Variants in ENPP2 observed in about 807,000 individuals in gnomAD.
ENPP2 encodes ectonucleotide pyrophosphatase/phosphodiesterase 2.
ENPP2 carries 51 observed loss-of-function variants against 120.2 expected under a neutral mutation model. The ratio of observed to expected loss-of-function variants is 0.42; its 90% CI spans 0.34 to 0.54. The LOEUF (loss-of-function observed/expected upper bound fraction) is 0.54, where lower values mean the gene tolerates loss of function less well. ENPP2 is among the 20% of genes least tolerant of loss of function. The pLI, the probability that ENPP2 is intolerant of heterozygous loss-of-function variation, is 0.04. For synonymous variants in ENPP2, 365 were observed against 366.4 expected, an observed-to-expected ratio of 1.00 and a Z score of 0.04; for missense variants, 920 against 1,066.5, an observed-to-expected ratio of 0.86 and a Z score of 1.91.
chr8:119,618,725 G>T (rs1486109190), intron 5 of ENPP2, among the ~76,000 whole-genome samples: 4 of 151,590 alleles, frequency 2.6e-5, no homozygotes, highest in Non-Finnish European at 5.9e-5. Flanking sequence ...AGTAGAGGCG[G>T]GGTGTCACCA....
chr8:119,647,139 G>A lies in ENPP2; in HGVS notation c.22-8612C>T, dbSNP rs571455760. ...AGCCTCTGAAGTAGCTGGGATCACC[G>A]GCACCCACCACAACACCCAGCTGAT... On this transcript the variant is annotated intron_variant, in intron 1 of 25. Transcript: ENST00000427067. 6.6e-5 allele frequency among the ~76,000 whole-genome samples: 10 copies of A among 151,944 alleles called. No individual in the cohort carries two copies. In the East Asian group the frequency reaches 9.7e-4, roughly 15 times the overall value.
chr8:119,627,856 C>T (rs551961656), intron 2 of ENPP2, among the ~76,000 whole-genome samples: 23 of 111,006 alleles, frequency 2.1e-4, no homozygotes, highest in East Asian at 1.7e-3. Flanking sequence ...AGTGAAACTC[C>T]GTCTTAAAAA....
At chr8:119,608,600 G>A (rs745513123) in intron 8 of ENPP2, among the ~76,000 whole-genome samples, 13 of 152,132 alleles carry the variant, frequency 8.5e-5, no homozygotes, top group Admixed American at 1.3e-4. Context: ...TCTTTACACC[G>A]TGTACTATTG....
Position 119,644,760 on chromosome 8 carries a change from ACT to A in ENPP2, c.22-6235_22-6234del, listed in dbSNP as rs1817394587. On this transcript the variant is annotated intron_variant, in intron 1 of 25. Transcript: ENST00000427067. ...TAAAAAGCATTCCCCCTAGGAAATA[ACT>A]CAGCTTTGTTCCTAACTCTAGCTCA... is the stretch of plus-strand genomic sequence containing the variant. Among the ~76,000 whole-genome samples, 5 of 151,322 alleles carry A rather than the reference ACT, an allele frequency of 3.3e-5. No individual in the cohort carries two copies. The South Asian group carries it at 1.0e-3, about 32-fold the overall frequency.
intron 22 of ENPP2, among the ~76,000 whole-genome samples, chr8:119,566,007 T>C (rs1340959782): frequency 1.3e-5 from 2 of 152,176 alleles, no homozygotes; most frequent in Non-Finnish European, 2.9e-5. Flanking sequence ...CCCCTTTCCC[T>C]ATCACTCGCA....
chr8:119,650,973 TA>T (rs563396859), intron 1 of ENPP2, among the ~76,000 whole-genome samples: 5,738 of 141,530 alleles, frequency 0.041, 311 homozygotes, highest in African/African-American at 0.13. Context: ...AATACTTCTT[TA>T]AAAAAAAAAA....
intron 1 of ENPP2, among the ~76,000 whole-genome samples, chr8:119,646,447 C>T (rs1402692839): frequency 1.6e-4 from 25 of 152,164 alleles, no homozygotes; most frequent in Non-Finnish European, 2.5e-4. Flanking sequence ...AATCTGTTTT[C>T]GCAACTCCAC....
chr8:119,569,507 G>T, intron 20 of ENPP2, 137 bp from the exon 21 acceptor site: 1 of 743,274 alleles, frequency 1.3e-6, no homozygotes, highest in Non-Finnish European at 2.0e-6. Context: ...ATCTTTGATA[G>T]TCTGACTTCT....
At chr8:119,624,008 G>C (rs1009354121) in intron 3 of ENPP2, among the ~76,000 whole-genome samples, 3 of 152,068 alleles carry the variant, frequency 2.0e-5, no homozygotes, top group African/African-American at 7.2e-5. Context: ...CCCATGACCT[G>C]CTCTTCCCAA....
intron 19 of ENPP2, chr8:119,571,057 T>C (rs1587349594): frequency 2.8e-6 from 1 of 358,926 alleles, no homozygotes; most frequent in Non-Finnish European, 4.9e-6. Context: ...ATCAAAACCA[T>C]AATGTAAATG....
intron 8 of ENPP2, among the ~76,000 whole-genome samples, chr8:119,615,935 A>G (rs113729700): frequency 3.3e-5 from 5 of 152,236 alleles, no homozygotes; most frequent in African/African-American, 1.2e-4. Flanking sequence ...CCTCACAAAG[A>G]TGCATGCATA....
At chr8:119,618,405 C>A in intron 5 of ENPP2, 1 of 461,458 alleles carries the variant, frequency 2.2e-6, no homozygotes, top group South Asian at 1.5e-5. Flanking sequence ...TGTTTGCCTC[C>A]CTTTTCAACA....
At chr8:119,629,586 A>G (rs1029133010) in intron 2 of ENPP2, among the ~76,000 whole-genome samples, 1 of 152,218 alleles carries the variant, frequency 6.6e-6, no homozygotes, top group African/African-American at 2.4e-5. Flanking sequence ...CAGATTTACC[A>G]GATCATGAGA....
chr8:119,606,748 G>A (rs771936193), intron 9 of ENPP2, among the ~76,000 whole-genome samples: 2 of 151,738 alleles, frequency 1.3e-5, no homozygotes, highest in African/African-American at 4.8e-5. Context: ...AGACAGTACC[G>A]TTCTGGATTA....
intron 15 of ENPP2, among the ~76,000 whole-genome samples, chr8:119,584,963 T>C (rs1420457603): frequency 6.6e-6 from 1 of 152,192 alleles, no homozygotes; most frequent in African/African-American, 2.4e-5. Context: ...CAATGCAAGA[T>C]GAGTTAAATT....
chr8:119,649,357 G>A (rs1042777658), intron 1 of ENPP2, among the ~76,000 whole-genome samples: 3 of 149,576 alleles, frequency 2.0e-5, no homozygotes, highest in African/African-American at 7.4e-5. Context: ...AGCCGAGATC[G>A]TGCCAATGCA....
chr8:119,601,709 G>A (rs1814323946), intron 9 of ENPP2, among the ~76,000 whole-genome samples: 1 of 152,134 alleles, frequency 6.6e-6, no homozygotes, highest in South Asian at 2.1e-4. Context: ...CAGTCAGAAT[G>A]AGGAACCTGT....
chr8:119,658,687 C>T (rs1404738987), intron 1 of ENPP2, among the ~76,000 whole-genome samples: 3 of 152,108 alleles, frequency 2.0e-5, no homozygotes, highest in Admixed American at 6.5e-5. Flanking sequence ...TATGCTTATG[C>T]CTTGAGCACT....
upstream of ENPP2, among the ~76,000 whole-genome samples, chr8:119,640,458 T>G (rs1333591416): frequency 6.6e-6 from 1 of 152,238 alleles, no homozygotes; most frequent in African/African-American, 2.4e-5. Flanking sequence ...TATGCCACAG[T>G]GCTCTAAATG....
Sources: allele counts gnomAD v4.1 joint callset (sites outside exome capture counted in the v4.1 genomes callset), GRCh38; gene constraint gnomAD v4.1.1; transcripts MANE v1.5; gene names NCBI Gene and HGNC (gene_info 2026-07-23, HGNC 2026-07-21).